PVT1: variants seen among roughly 807,000 people sequenced by gnomAD.
The protein encoded by PVT1 is Pvt1 oncogene, also known as CXCR4/PVT1 fusion.
chr8:127,810,996 C>T (rs1265874258), intron 2 of PVT1, among the ~76,000 whole-genome samples: 3 of 152,094 alleles, frequency 2.0e-5, no homozygotes, highest in Non-Finnish European at 4.4e-5. Flanking sequence ...GGGTTCCAAA[C>T]TTAGCTGTTT....
At chr8:127,828,739 C>T (rs983166471) in intron 2 of PVT1, among the ~76,000 whole-genome samples, 1 of 152,052 alleles carries the variant, frequency 6.6e-6, no homozygotes, top group African/African-American at 2.4e-5. Context: ...GGTCCGCCCC[C>T]CCAGACTCAT....
At chr8:127,838,749 T>A in intron 2 of PVT1, among the ~76,000 whole-genome samples, 1 of 152,218 alleles carries the variant, frequency 6.6e-6, no homozygotes, top group East Asian at 1.9e-4. Context: ...TATTGTTTAC[T>A]ACTATGTGCC....
intron 4 of PVT1, among the ~76,000 whole-genome samples, chr8:128,065,719 G>A (rs759913524): frequency 6.6e-6 from 1 of 151,448 alleles, no homozygotes; most frequent in East Asian, 2.0e-4. Flanking sequence ...TGCACCAAGG[G>A]GGGAAGAAGT....
At chr8:127,812,695 G>A (rs577842523) in intron 2 of PVT1, among the ~76,000 whole-genome samples, 34 of 151,734 alleles carry the variant, frequency 2.2e-4, no homozygotes, top group African/African-American at 8.2e-4. Flanking sequence ...GAAAATGGAA[G>A]GAAGGGAGGG....
chr8:127,795,719 C>G (rs1814387630), intron 1 of PVT1: 1 of 152,316 alleles, frequency 6.6e-6, no homozygotes, highest in African/African-American at 2.4e-5. Context: ...GGGACTGTGT[C>G]TGCTGTGTTG....
intron 3 of PVT1, among the ~76,000 whole-genome samples, chr8:127,953,606 G>A (rs1816533986): frequency 6.6e-6 from 1 of 152,202 alleles, no homozygotes; most frequent in Non-Finnish European, 1.5e-5. Flanking sequence ...TTAACCATGA[G>A]ATAAATTGAA....
chr8:127,933,226 C>T (rs140895189), intron 3 of PVT1, among the ~76,000 whole-genome samples: 2 of 152,308 alleles, frequency 1.3e-5, no homozygotes, highest in African/African-American at 4.8e-5. Context: ...CAGGCATGCG[C>T]CACCATATCT....
At chr8:128,052,506 G>A (rs183579712) in intron 4 of PVT1, among the ~76,000 whole-genome samples, 92 of 152,324 alleles carry the variant, frequency 6.0e-4, no homozygotes, top group African/African-American at 2.0e-3. Flanking sequence ...CTTAGCTCTT[G>A]TGAAGGTATA....
intron 3 of PVT1, among the ~76,000 whole-genome samples, chr8:127,928,222 T>C (rs1816156132): frequency 6.6e-6 from 1 of 152,222 alleles, no homozygotes; most frequent in African/African-American, 2.4e-5. Context: ...ACCCTCCAGA[T>C]GATGTCTGGT....
At chr8:127,925,053 C>T (rs960869794) in intron 3 of PVT1, among the ~76,000 whole-genome samples, 1 of 152,172 alleles carries the variant, frequency 6.6e-6, no homozygotes, top group African/African-American at 2.4e-5. Flanking sequence ...TTAGCAGTCA[C>T]CTCTTTATTC....
intron 3 of PVT1, among the ~76,000 whole-genome samples, chr8:127,942,081 A>G (rs1339157172): frequency 6.6e-6 from 1 of 152,144 alleles, no homozygotes; most frequent in Non-Finnish European, 1.5e-5. Flanking sequence ...TCAGAGTGTG[A>G]TCCCATGTCC....
At chr8:127,962,692 G>C (rs1816659155) in intron 3 of PVT1, among the ~76,000 whole-genome samples, 1 of 152,110 alleles carries the variant, frequency 6.6e-6, no homozygotes, top group African/African-American at 2.4e-5. Flanking sequence ...TGCCTCCTGG[G>C]TTCAAGTGAT....
intron 3 of PVT1, among the ~76,000 whole-genome samples, chr8:127,937,015 T>C (rs1450657063): frequency 6.6e-6 from 1 of 152,250 alleles, no homozygotes; most frequent in Non-Finnish European, 1.5e-5. Context: ...TGAATGCTGG[T>C]ATCTAATTTC....
intron 2 of PVT1, among the ~76,000 whole-genome samples, chr8:127,812,412 A>G (rs1221197752): frequency 6.6e-6 from 1 of 151,952 alleles, no homozygotes; most frequent in African/African-American, 2.4e-5. Context: ...CTACAAAACA[A>G]ATTTTTTTTT....
intron 3 of PVT1, among the ~76,000 whole-genome samples, chr8:127,988,550 TTGA>T (rs1368950508): frequency 6.6e-6 from 1 of 152,256 alleles, no homozygotes; most frequent in African/African-American, 2.4e-5. Context: ...TCTAGCCATC[TTGA>T]TGATCAGTTA....
chr8:128,010,544 C>CT (rs1417576455), intron 4 of PVT1: 2 of 152,162 alleles, frequency 1.3e-5, no homozygotes, highest in Non-Finnish European at 2.9e-5. Flanking sequence ...CCATCTGTGG[C>CT]TTTCTATTAG....
At chr8:128,082,524 A>G (rs1172286182) in intron 5 of PVT1, among the ~76,000 whole-genome samples, 3 of 152,192 alleles carry the variant, frequency 2.0e-5, no homozygotes, top group Non-Finnish European at 4.4e-5. Context: ...ATTGCCTCCC[A>G]CTGTACAGAA....
chr8:127,842,442 T>G (rs187066927), intron 2 of PVT1, among the ~76,000 whole-genome samples: 2 of 152,180 alleles, frequency 1.3e-5, no homozygotes, highest in South Asian at 2.1e-4. Context: ...ATTTAAATTT[T>G]TTTTGTAGAG....
At chr8:128,059,242 T>C (rs1264711744) in intron 4 of PVT1, among the ~76,000 whole-genome samples, 2 of 152,172 alleles carry the variant, frequency 1.3e-5, no homozygotes, top group African/African-American at 4.8e-5. Context: ...GAATGAGATA[T>C]GGCAGGGAAA....
Sources: gnomAD v4.1 joint callset for allele counts (sites outside exome capture counted in the v4.1 genomes callset) on GRCh38, gnomAD v4.1.1 for gene constraint, MANE v1.5 for transcripts, NCBI Gene and HGNC (gene_info 2026-07-23, HGNC 2026-07-21) for gene names.